Variants in MARCHF4 observed in about 807,000 individuals in gnomAD.
MARCHF4 encodes the protein membrane associated ring-CH-type finger 4.
MARCHF4 carries 14 observed loss-of-function variants against 43.9 expected under a neutral mutation model. That is an observed-to-expected ratio of 0.32 (90% CI 0.21 to 0.50). MARCHF4 has a LOEUF of 0.50. Ranked by LOEUF, MARCHF4 falls within the 20% of genes least tolerant of loss-of-function variation. The pLI, the probability that MARCHF4 is intolerant of heterozygous loss-of-function variation, is 0.98. For synonymous variants in MARCHF4, 226 were observed against 213.3 expected (o/e 1.06, Z -0.52); for missense variants, 468 against 536.7 (o/e 0.87, Z 1.27).
At chr2:216,266,629 C>T (rs1690849029) in intron 3 of MARCHF4, among the ~76,000 whole-genome samples, 1 of 152,190 alleles carries the variant, frequency 6.6e-6, no homozygotes, top group African/African-American at 2.4e-5. Context: ...CACTGTCAGA[C>T]AGCTATGGGG....
chr2:216,324,365 C>T (rs1158989137), intron 1 of MARCHF4, among the ~76,000 whole-genome samples: 6 of 147,914 alleles, frequency 4.1e-5, no homozygotes, highest in African/African-American at 1.5e-4. Flanking sequence ...GATGGATTCA[C>T]AGCCGAATTC....
At chr2:216,324,935 A>G (rs1266069840) in intron 1 of MARCHF4, among the ~76,000 whole-genome samples, 17 of 150,832 alleles carry the variant, frequency 1.1e-4, no homozygotes, top group Admixed American at 2.6e-4. Flanking sequence ...CACCACTCCT[A>G]TTCAACATAG....
intron 1 of MARCHF4, among the ~76,000 whole-genome samples, chr2:216,314,602 C>T (rs778943859): frequency 1.9e-4 from 29 of 152,134 alleles, no homozygotes; most frequent in Non-Finnish European, 3.5e-4. Flanking sequence ...GGGTTACAGG[C>T]AAGAGCCACC....
intron 1 of MARCHF4, among the ~76,000 whole-genome samples, chr2:216,343,200 G>C (rs1692261207): frequency 6.6e-6 from 1 of 152,102 alleles, no homozygotes; most frequent in Admixed American, 6.6e-5. Flanking sequence ...TCTTAGTTTG[G>C]GCTGCTATAA....
chr2:216,329,076 C>T (rs1692042596), intron 1 of MARCHF4, among the ~76,000 whole-genome samples: 1 of 151,638 alleles, frequency 6.6e-6, no homozygotes, highest in Non-Finnish European at 1.5e-5. Context: ...TAAATAAATG[C>T]TATGATAAAA....
intron 1 of MARCHF4, 101 bp downstream of exon 1, chr2:216,369,643 TA>T (rs1692720795): frequency 1.1e-6 from 1 of 950,014 alleles, no homozygotes; most frequent in Non-Finnish European, 1.6e-6. Flanking sequence ...AGAGTCCTCA[TA>T]CTAAAGACAA....
At chr2:216,305,265 T>C (rs545175610) in intron 1 of MARCHF4, among the ~76,000 whole-genome samples, 5 of 152,186 alleles carry the variant, frequency 3.3e-5, no homozygotes, top group Non-Finnish European at 7.3e-5. Flanking sequence ...GAGTCCGGTA[T>C]GCATGTGGAG....
At chr2:216,341,983 A>C (rs1397216456) in intron 1 of MARCHF4, among the ~76,000 whole-genome samples, 1 of 152,328 alleles carries the variant, frequency 6.6e-6, no homozygotes, top group Non-Finnish European at 1.5e-5. Context: ...TGGCAAACTC[A>C]TCATTAGGGG....
chr2:216,342,403 T>G (rs1692251467), intron 1 of MARCHF4, among the ~76,000 whole-genome samples: 1 of 152,182 alleles, frequency 6.6e-6, no homozygotes, highest in South Asian at 2.1e-4. Context: ...TCTGCCTGTC[T>G]CCAAGGAGGA....
In MARCHF4 at chr2:216,278,004, A is replaced by G. The variant is rs189830872; in HGVS notation, c.673-140T>C. 213 of 689,750 alleles carry G rather than the reference A, an allele frequency of 3.1e-4. No individual in the cohort carries two copies. The African/African-American group carries it at 3.6e-3, about 12-fold the overall frequency. The allele number at this position is 689,750 out of a possible 1,614,324, so 42.7% of individuals were successfully genotyped here. A position where few individuals can be genotyped will look rare whatever the true frequency, so the allele number is the denominator to read the frequency against. ...CTTTCCAACCTGTGGTACAATGAGC[A>G]TTTTGCAGGTTTCTGAATTTCACAT... is the stretch of plus-strand genomic sequence containing the variant. On this transcript the variant is annotated intron_variant, in intron 2 of 3. Coordinates refer to ENST00000273067, the MANE Select transcript of MARCHF4 (RefSeq NM_020814.3).
rs572412634 is a variant in MARCHF4, at chr2:216,262,867, A to G, written c.866-3188T>C. Among the ~76,000 whole-genome samples the G allele has an allele frequency of 2.6e-5, 4 of 152,338 alleles. No individual in the cohort carries two copies. In the East Asian group the frequency reaches 7.7e-4, roughly 29 times the overall value. ...AAAGAGAATATAAAATAAAAATAAT[A>G]AAGGGAAATCTTTTATAACAAAACA... On this transcript the variant is annotated intron_variant, in intron 3 of 3. Coordinates refer to ENST00000273067, the MANE Select transcript of MARCHF4 (RefSeq NM_020814.3).
At chr2:216,360,615 T>C (rs1429004732) in intron 1 of MARCHF4, among the ~76,000 whole-genome samples, 3 of 152,092 alleles carry the variant, frequency 2.0e-5, no homozygotes, top group African/African-American at 7.2e-5. Flanking sequence ...GGGAGATGAA[T>C]AGGTGGTGGG....
chr2:216,349,872 G>C (rs1434678641), intron 1 of MARCHF4, among the ~76,000 whole-genome samples: 1 of 152,122 alleles, frequency 6.6e-6, no homozygotes, highest in East Asian at 1.9e-4. Flanking sequence ...AGAGTGAACT[G>C]CTCAAAATCT....
intron 1 of MARCHF4, chr2:216,303,282 C>T (rs1691524025): frequency 6.6e-6 from 1 of 152,290 alleles, no homozygotes; most frequent in Non-Finnish European, 1.5e-5. Context: ...TTGAAAACAG[C>T]TCATTCCCTT....
Position 216,338,626 on chromosome 2 carries a change from G to T in MARCHF4, c.516+31119C>A, listed in dbSNP as rs987805810. Among the ~76,000 whole-genome samples, 4 of 151,910 alleles carry T rather than the reference G, an allele frequency of 2.6e-5. No individual in the cohort carries two copies. In the East Asian group the frequency reaches 7.7e-4, roughly 29 times the overall value. ...TCTGCTCCGCCTCAGCCTCTCCTGC[G>T]TGGACTTGCAGCTCCACTGCCACCT... On this transcript the variant is annotated intron_variant, in intron 1 of 3. Transcript: ENST00000273067.
chr2:216,319,076 G>C (rs1383625575), intron 1 of MARCHF4, among the ~76,000 whole-genome samples: 1 of 152,150 alleles, frequency 6.6e-6, no homozygotes, highest in Non-Finnish European at 1.5e-5. Context: ...GCGGGGCTGA[G>C]GCAGGCGGAT....
intron 1 of MARCHF4, among the ~76,000 whole-genome samples, chr2:216,294,933 G>A (rs1021982954): frequency 6.6e-6 from 1 of 152,230 alleles, no homozygotes; most frequent in Non-Finnish European, 1.5e-5. Flanking sequence ...GGTGAGGGAT[G>A]TTGTGCAAGG....
At chr2:216,294,724 T>C (rs1323834188) in intron 1 of MARCHF4, among the ~76,000 whole-genome samples, 1 of 152,218 alleles carries the variant, frequency 6.6e-6, no homozygotes, top group African/African-American at 2.4e-5. Context: ...TCTCTTGAAG[T>C]AAGGTTGGCT....
At chr2:216,274,319 C>T (rs150938188) in intron 3 of MARCHF4, among the ~76,000 whole-genome samples, 38 of 152,254 alleles carry the variant, frequency 2.5e-4, no homozygotes, top group African/African-American at 9.1e-4. Flanking sequence ...TCCTACATTG[C>T]CCTGAGTGAA....
Sources: gnomAD v4.1 joint callset for allele counts (sites outside exome capture counted in the v4.1 genomes callset) on GRCh38, gnomAD v4.1.1 for gene constraint, MANE v1.5 for transcripts, NCBI Gene and HGNC (gene_info 2026-07-23, HGNC 2026-07-21) for gene names.